The following FGFR2 variants were observed in gnomAD, a reference collection of about 807,000 sequenced individuals.
FGFR2 encodes the protein fibroblast growth factor receptor 2.
Under a neutral mutation model 95.9 loss-of-function variants are expected in FGFR2, and 19 were observed. The ratio of observed to expected loss-of-function variants is 0.20; its 90% CI spans 0.14 to 0.29. FGFR2 has a LOEUF of 0.29. Ranked by LOEUF, FGFR2 falls within the 10% of genes least tolerant of loss-of-function variation. The probability of loss-of-function intolerance (pLI) is 1.00; values close to 1 mark genes in which losing one functional copy is unlikely to be tolerated. For missense variants in FGFR2, 707 were observed against 1,056.9 expected, an observed-to-expected ratio of 0.67 and a Z score of 4.59; for synonymous variants, 392 against 393.3, an observed-to-expected ratio of 1.00 and a Z score of 0.04.
intron 2 of FGFR2, among the ~76,000 whole-genome samples, chr10:121,588,728 G>T (rs186630466): frequency 4.5e-4 from 69 of 151,764 alleles, no homozygotes; most frequent in African/African-American, 1.6e-3. Flanking sequence ...GAGCAACATG[G>T]CGAAACCCCA....
chr10:121,551,524 A>G (rs1459356000), intron 4 of FGFR2, 65 bp from the exon 5 acceptor site: 24 of 1,449,024 alleles, frequency 1.7e-5, no homozygotes, highest in Middle Eastern at 2.0e-4. Flanking sequence ...AGTAAACTCC[A>G]AACAGGTAAG....
intron 15 of FGFR2, 68 bp downstream of exon 15, chr10:121,487,286 G>T: frequency 8.0e-7 from 1 of 1,254,116 alleles, no homozygotes; most frequent in South Asian, 1.2e-5. Flanking sequence ...AAGGAAGAAA[G>T]GTGAAGTACG....
At chr10:121,541,588 A>G (rs970214954) in intron 5 of FGFR2, among the ~76,000 whole-genome samples, 4 of 152,224 alleles carry the variant, frequency 2.6e-5, no homozygotes, top group Non-Finnish European at 1.5e-5. Context: ...TTTGCCAGTT[A>G]GGCCAAATGC....
In FGFR2 at chr10:121,560,407, G is replaced by T. The variant is rs1013481287; in HGVS notation, c.454+4095C>A. Among the ~76,000 whole-genome samples, 4 of 152,142 alleles carry T rather than the reference G, an allele frequency of 2.6e-5. No homozygotes were observed. In the East Asian group the frequency reaches 5.8e-4, roughly 22 times the overall value. On this transcript the variant is annotated intron_variant, in intron 4 of 17. Transcript: ENST00000358487. ...AGGCGAGCAGATCACGAGGTCAGGAGATCGAGACCATTCTGGCTAACATGG... is the reference window on the plus strand; with the variant it reads ...AGGCGAGCAGATCACGAGGTCAGGATATCGAGACCATTCTGGCTAACATGG...
At chr10:121,483,847 G>A (rs759037909) in intron 16 of FGFR2, 44 bp from the exon 17 acceptor site, 1 of 1,442,830 alleles carries the variant, frequency 6.9e-7, no homozygotes, top group East Asian at 2.3e-5. Flanking sequence ...TATGCACTGG[G>A]TACGTGGTTA....
intron 2 of FGFR2, among the ~76,000 whole-genome samples, chr10:121,567,165 A>C (rs1857795761): frequency 6.6e-6 from 1 of 152,160 alleles, no homozygotes; most frequent in African/African-American, 2.4e-5. Context: ...AAATCAAGTC[A>C]ATCTGTGTTT....
intron 2 of FGFR2, among the ~76,000 whole-genome samples, chr10:121,593,302 C>T (rs754009185): frequency 6.6e-6 from 1 of 152,162 alleles, no homozygotes; most frequent in African/African-American, 2.4e-5. Context: ...CAGATGTTGG[C>T]AATTTCTTTT....
At chr10:121,525,577 G>A (rs1158926750) in intron 6 of FGFR2, among the ~76,000 whole-genome samples, 1 of 151,886 alleles carries the variant, frequency 6.6e-6, no homozygotes, top group African/African-American at 2.4e-5. Flanking sequence ...CCTAAAGACT[G>A]CAGCAGGAAA....
At chr10:121,561,217 G>T (rs1032685750) in intron 4 of FGFR2, among the ~76,000 whole-genome samples, 1 of 152,048 alleles carries the variant, frequency 6.6e-6, no homozygotes, top group Non-Finnish European at 1.5e-5. Context: ...CTGAGGTCGG[G>T]AGTTCCAGAC....
chr10:121,586,107 A>C (rs1861789124), intron 2 of FGFR2, among the ~76,000 whole-genome samples: 2 of 152,218 alleles, frequency 1.3e-5, no homozygotes, highest in Admixed American at 1.3e-4. Context: ...AAAATATTAC[A>C]ACTGGTCACT....
intron 2 of FGFR2, among the ~76,000 whole-genome samples, chr10:121,569,289 C>T (rs997261648): frequency 7.3e-5 from 11 of 150,858 alleles, no homozygotes; most frequent in Admixed American, 4.0e-4. Flanking sequence ...GGCACGATCT[C>T]GGCTCACCGC....
At chr10:121,529,688 C>G (rs1851839798) in intron 6 of FGFR2, among the ~76,000 whole-genome samples, 1 of 152,150 alleles carries the variant, frequency 6.6e-6, no homozygotes, top group African/African-American at 2.4e-5. Context: ...AATCCAGAGG[C>G]TTTGAGAAAG....
rs1006336210 is a variant in FGFR2, at chr10:121,526,005, G to A, written c.749-5836C>T. On this transcript the variant is annotated intron_variant, in intron 6 of 17. Coordinates refer to ENST00000358487, the MANE Select transcript of FGFR2 (RefSeq NM_000141.5). ...AGCCATTTCAAAGCCACCTCTCTCCGGCAGTCACACACCAAGAGACTCGAA... is the reference window on the plus strand; with the variant it reads ...AGCCATTTCAAAGCCACCTCTCTCCAGCAGTCACACACCAAGAGACTCGAA... The A allele has an allele frequency of 3.6e-5, 14 of 393,478 alleles. No individual in the cohort carries two copies. The South Asian group carries it at 7.2e-4, about 20-fold the overall frequency. The allele number at this position is 393,478 out of a possible 1,614,324, so 24.4% of individuals were successfully genotyped here.
intron 4 of FGFR2, among the ~76,000 whole-genome samples, chr10:121,553,214 T>C (rs1285122199): frequency 2.0e-5 from 3 of 152,036 alleles, no homozygotes; most frequent in South Asian, 4.2e-4. Context: ...GCTGAAACAG[T>C]GGGAAGAGGG....
At position 121,503,936 on chromosome 10, in the gene FGFR2, C is replaced by G. The variant is rs748855113; in HGVS notation, c.1293G>C (p.Ser431=). ...RIPLRRQVTV[S]AESSSSMNSN... Reference sequence around the variant, plus strand: ...AGTTCATGGAGGAGCTGGACTCAGCCGAAACCTGGATACAAAATGCAAAGA... The same window carrying G: ...AGTTCATGGAGGAGCTGGACTCAGCGGAAACCTGGATACAAAATGCAAAGA... Residue 431 remains serine, a synonymous_variant, in exon 10 of 18, where the codon TCG becomes TCC. Coordinates refer to ENST00000358487, the MANE Select transcript of FGFR2 (RefSeq NM_000141.5). The G allele has an allele frequency of 6.2e-7, 1 of 1,613,984 alleles. No individual in the cohort carries two copies. Among genetic ancestry groups the G allele is most frequent in the Non-Finnish European group, 8.5e-7 (1 of 1,179,978 alleles).
chr10:121,492,814 C>T (rs907285286), intron 13 of FGFR2, among the ~76,000 whole-genome samples: 3 of 152,256 alleles, frequency 2.0e-5, no homozygotes, highest in African/African-American at 4.8e-5. Context: ...AAGGCCCATA[C>T]AATATCCCTT....
rs974338458 is a variant in FGFR2 at position 121,503,819 on chromosome 10, C to T, written c.1410G>A (p.Glu470=). ...CTCTTGGAAACTCCCATTTTGGGTC[C>T]TCTGGAAGTTCATACTCGGAGACCC... ...LAGVSEYELP[E]DPKWEFPRDK... Residue 470 remains glutamate (E), a synonymous_variant, in exon 10 of 18, where the codon GAG becomes GAA. Coordinates refer to ENST00000358487, the MANE Select transcript of FGFR2 (RefSeq NM_000141.5). 2 of 1,614,130 alleles carry T rather than the reference C, an allele frequency of 1.2e-6. No individual in the cohort carries two copies. Among genetic ancestry groups the T allele is most frequent in the Non-Finnish European group, 8.5e-7 (1 of 1,180,026 alleles).
In FGFR2 at chr10:121,580,333, C is replaced by T. The variant is rs1056155034; in HGVS notation, c.109+13376G>A. ...CCTTCAGAGTCTGCAGATGTGTCCC[C>T]GCCTGATCCCCTCAGCAGCATCCCA... On this transcript the variant is annotated intron_variant, in intron 2 of 17. Coordinates refer to ENST00000358487, the MANE Select transcript of FGFR2 (RefSeq NM_000141.5). 8.5e-5 allele frequency among the ~76,000 whole-genome samples: 13 copies of T among 152,268 alleles called. 1 individual carries two copies. The highest frequency in any genetic ancestry group is 5.9e-4 in the Admixed American group (9 of 15,300).
intron 16 of FGFR2, among the ~76,000 whole-genome samples, chr10:121,484,380 G>T (rs560546199): frequency 6.6e-6 from 1 of 152,010 alleles, no homozygotes; most frequent in Non-Finnish European, 1.5e-5. Flanking sequence ...AGCTTCCCAG[G>T]TCTTATCTTG....
Sources: allele counts gnomAD v4.1 joint callset (sites outside exome capture counted in the v4.1 genomes callset), GRCh38; gene constraint gnomAD v4.1.1; transcripts MANE v1.5; gene names NCBI Gene and HGNC (gene_info 2026-07-23, HGNC 2026-07-21).